SRGAP2B: variants seen among roughly 807,000 people sequenced by gnomAD.
SRGAP2B encodes the protein SLIT-ROBO Rho GTPase-activating protein 2B.
A neutral mutation model predicts 22.2 loss-of-function variants in SRGAP2B; 9 were observed. The observed-to-expected ratio is 0.41, with a 90% CI of 0.24 to 0.71. SRGAP2B has a LOEUF of 0.71. SRGAP2B is among the 30% of genes least tolerant of loss of function. SRGAP2B has a pLI of 0.35. For synonymous variants in SRGAP2B, 36 were observed against 87.4 expected (o/e 0.41, Z 3.28); for missense variants, 114 against 235.8 (o/e 0.48, Z 3.38).
chr1:144,997,341 G>C (rs1165091153), intron 2 of SRGAP2B, among the ~76,000 whole-genome samples: 1 of 150,910 alleles, frequency 6.6e-6, no homozygotes, highest in East Asian at 1.9e-4. Context: ...TGAGGTGCGA[G>C]AATGGCGTGA....
intron 3 of SRGAP2B, among the ~76,000 whole-genome samples, chr1:144,958,969 C>T (rs1272348432): frequency 6.7e-6 from 1 of 149,194 alleles, no homozygotes; most frequent in African/African-American, 2.5e-5. Flanking sequence ...TTTATGTAAA[C>T]CCTGGAAGAA....
chr1:145,025,951 C>T (rs1190275531), intron 2 of SRGAP2B, among the ~76,000 whole-genome samples: 1 of 146,402 alleles, frequency 6.8e-6, no homozygotes, highest in Non-Finnish European at 1.5e-5. Flanking sequence ...TTGGGGAGGG[C>T]AGGGGATGGG....
At chr1:145,085,026 T>C (rs1653284061) in intron 2 of SRGAP2B, among the ~76,000 whole-genome samples, 1 of 150,684 alleles carries the variant, frequency 6.6e-6, no homozygotes, top group Non-Finnish European at 1.5e-5. Flanking sequence ...CACTGCAACC[T>C]CTGCCTCTTG....
At chr1:144,984,484 C>T (rs1300585239) in intron 3 of SRGAP2B, among the ~76,000 whole-genome samples, 1 of 150,192 alleles carries the variant, frequency 6.7e-6, no homozygotes, top group Non-Finnish European at 1.5e-5. Context: ...TCCAAGCTCA[C>T]TTGAAACCTG....
intron 3 of SRGAP2B, among the ~76,000 whole-genome samples, chr1:144,975,745 G>A (rs1358816534): frequency 6.7e-6 from 1 of 149,690 alleles, no homozygotes; most frequent in Non-Finnish European, 1.5e-5. Flanking sequence ...AGGAAAGAAA[G>A]AACTAGTCAG....
intron 2 of SRGAP2B, among the ~76,000 whole-genome samples, chr1:145,017,194 T>C (rs1465834577): frequency 6.8e-6 from 1 of 146,582 alleles, no homozygotes; most frequent in African/African-American, 2.6e-5. Flanking sequence ...CCTCCCAAAG[T>C]GCTGAGATTA....
At chr1:145,010,762 C>T (rs1183552229) in intron 2 of SRGAP2B, among the ~76,000 whole-genome samples, 1 of 150,236 alleles carries the variant, frequency 6.7e-6, no homozygotes, top group Non-Finnish European at 1.5e-5. Context: ...CGCACCATTA[C>T]CAAATCCAGA....
chr1:144,905,192 G>A, exon 7 of SRGAP2B: 1 of 778,744 alleles, frequency 1.3e-6, no homozygotes, highest in Non-Finnish European at 2.4e-6. Context: ...ATGGCCTTCA[G>A]CTTATTCTCC....
intron 2 of SRGAP2B, among the ~76,000 whole-genome samples, chr1:145,017,369 G>C (rs1672505061): frequency 6.9e-6 from 1 of 144,508 alleles, no homozygotes. Flanking sequence ...TTTGACATTA[G>C]AATACTTTTA....
chr1:145,001,861 A>AT (rs150444696), intron 2 of SRGAP2B, among the ~76,000 whole-genome samples: 5 of 149,576 alleles, frequency 3.3e-5, no homozygotes, highest in Non-Finnish European at 5.9e-5. Context: ...GCTCTACAAA[A>AT]TTTTTTTTTA....
chr1:144,937,080 T>TC (rs1665700133), intron 4 of SRGAP2B, among the ~76,000 whole-genome samples: 1 of 133,502 alleles, frequency 7.5e-6, no homozygotes, highest in Non-Finnish European at 1.6e-5. Flanking sequence ...ATCTATTTTA[T>TC]CAGTCAACAC....
At chr1:144,990,819 GT>G (rs1670133726) in intron 3 of SRGAP2B, among the ~76,000 whole-genome samples, 1 of 151,384 alleles carries the variant, frequency 6.6e-6, no homozygotes, top group South Asian at 2.1e-4. Flanking sequence ...GGTGTACTGA[GT>G]CCCCCAGCAG....
intron 4 of SRGAP2B, among the ~76,000 whole-genome samples, chr1:144,948,334 C>CT (rs1553608781): frequency 1.3e-5 from 2 of 148,918 alleles, no homozygotes; most frequent in Non-Finnish European, 3.0e-5. Context: ...CATTTCCCTT[C>CT]TTATTGCTGA....
At chr1:144,970,066 A>C (rs1206798961) in intron 3 of SRGAP2B, among the ~76,000 whole-genome samples, 1 of 149,258 alleles carries the variant, frequency 6.7e-6, no homozygotes, top group African/African-American at 2.5e-5. Flanking sequence ...AAACTAGTTC[A>C]ACCATTGTGG....
chr1:144,984,228 G>A (rs1364668001), intron 3 of SRGAP2B, among the ~76,000 whole-genome samples: 4 of 150,202 alleles, frequency 2.7e-5, no homozygotes, highest in African/African-American at 1.0e-4. Flanking sequence ...GCTGAGGCAA[G>A]AGAATAGCTT....
intron 3 of SRGAP2B, among the ~76,000 whole-genome samples, chr1:144,985,452 G>A (rs1336535581): frequency 1.3e-5 from 2 of 150,096 alleles, no homozygotes; most frequent in African/African-American, 5.0e-5. Flanking sequence ...AAAAGCAGGA[G>A]ATCAAAACCA....
chr1:144,992,502 C>T lies in SRGAP2B; in HGVS notation c.260+2506G>A, dbSNP rs587664972. Among the ~76,000 whole-genome samples the T allele has an allele frequency of 4.7e-4, 68 of 146,122 alleles. No individual in the cohort carries two copies. In the South Asian group the frequency reaches 0.01, roughly 22 times the overall value. ...CATTTTCTAAAGCAAATGATTCCTC[C>T]CCTAAGTCTTCATTTATCACATACT... is the stretch of plus-strand genomic sequence containing the variant. On this transcript the variant is annotated intron_variant, in intron 3 of 9. Coordinates refer to ENST00000612199, the Ensembl canonical transcript of SRGAP2B.
At chr1:144,996,159 G>A (rs1301382983) in intron 2 of SRGAP2B, among the ~76,000 whole-genome samples, 1 of 151,200 alleles carries the variant, frequency 6.6e-6, no homozygotes, top group African/African-American at 2.5e-5. Flanking sequence ...ATTTGTTACT[G>A]ACAAGAGACC....
intron 3 of SRGAP2B, among the ~76,000 whole-genome samples, chr1:144,967,510 A>G (rs1164842702): frequency 2.0e-5 from 3 of 148,202 alleles, no homozygotes; most frequent in African/African-American, 5.2e-5. Flanking sequence ...AGGGAAATTT[A>G]TAGCACTAAA....
Sources: gnomAD v4.1 joint callset for allele counts (sites outside exome capture counted in the v4.1 genomes callset) on GRCh38, gnomAD v4.1.1 for gene constraint, MANE v1.5 for transcripts, NCBI Gene and HGNC (gene_info 2026-07-23, HGNC 2026-07-21) for gene names.